CCDC62: variants seen among roughly 807,000 people sequenced by gnomAD.
CCDC62 encodes coiled-coil domain-containing protein 62.
In CCDC62, 72 loss-of-function variants were observed where a neutral mutation model predicts 80.8. The ratio of observed to expected loss-of-function variants is 0.89; its 90% CI spans 0.74 to 1.08. The LOEUF is 1.08. CCDC62 is among the 50% of genes least tolerant of loss of function. The probability of loss-of-function intolerance (pLI) is 0.00; values close to 1 mark genes in which losing one functional copy is unlikely to be tolerated. For synonymous variants in CCDC62, 286 were observed against 296.5 expected (o/e 0.96, Z 0.36); for missense variants, 704 against 809.4 (o/e 0.87, Z 1.58).
At chr12:122,823,722 G>T (rs1468311653) in intron 12 of CCDC62, among the ~76,000 whole-genome samples, 1 of 149,862 alleles carries the variant, frequency 6.7e-6, no homozygotes, top group African/African-American at 2.5e-5. Flanking sequence ...AAAAAAAAAG[G>T]CCGGGCGTGG....
intron 11 of CCDC62, among the ~76,000 whole-genome samples, chr12:122,818,873 C>T (rs186296947): frequency 1.3e-3 from 199 of 151,216 alleles, no homozygotes; most frequent in African/African-American, 4.3e-3. Context: ...CAGTGAACCA[C>T]GATCACACCA....
intron 11 of CCDC62, among the ~76,000 whole-genome samples, chr12:122,822,674 C>T (rs1238462674): frequency 7.9e-6 from 1 of 126,706 alleles, no homozygotes; most frequent in Non-Finnish European, 1.6e-5. Flanking sequence ...CCCGGGTTCA[C>T]ACCATTGAGT....
intron 2 of CCDC62, 54 bp from the exon 3 acceptor site, chr12:122,781,110 T>A: frequency 7.0e-7 from 1 of 1,436,290 alleles, no homozygotes; most frequent in Non-Finnish European, 9.5e-7. Flanking sequence ...ATTTTGAAAA[T>A]AATGCCTTTT....
chr12:122,819,004 G>T (rs1292898452), intron 11 of CCDC62, among the ~76,000 whole-genome samples: 1 of 152,144 alleles, frequency 6.6e-6, no homozygotes, highest in Non-Finnish European at 1.5e-5. Context: ...TTTACAGGAA[G>T]GGAAAAATGA....
chr12:122,812,831 A>AAAGAAAGAAAG (rs1566086864), intron 10 of CCDC62, among the ~76,000 whole-genome samples: 2 of 138,928 alleles, frequency 1.4e-5, no homozygotes. Flanking sequence ...AAGAAAGAAA[A>AAAGAAAGAAAG]GGAATGAATT....
chr12:122,778,743 G>A (rs948257150), intron 2 of CCDC62, among the ~76,000 whole-genome samples: 1 of 152,080 alleles, frequency 6.6e-6, no homozygotes, highest in African/African-American at 2.4e-5. Flanking sequence ...GCGGGGCATG[G>A]TGGTGGGCGC....
Position 122,801,732 on chromosome 12 carries a change from T to C in CCDC62, c.1586T>C (p.Met529Thr). The C allele has an allele frequency of 1.2e-6, 2 of 1,614,196 alleles. No individual in the cohort carries two copies. Among genetic ancestry groups the C allele is most frequent in the East Asian group, 4.5e-5 (2 of 44,886 alleles). ...TTCATAATTGAAGCCCCAGGCCACA[T>C]GTCTGACGTGGAGTGGATGAGTATT... ...SNFIIEAPGHMSDVEWMSIFK... is the reference protein window; with the variant it reads ...SNFIIEAPGHTSDVEWMSIFK... Residue 529 changes from methionine (M) to threonine (T), a missense_variant, in exon 9 of 13, where the codon ATG becomes ACG. Coordinates refer to ENST00000253079, the MANE Select transcript of CCDC62 (RefSeq NM_201435.5).
At chr12:122,796,924 G>C (rs1026384741) in intron 6 of CCDC62, among the ~76,000 whole-genome samples, 14 of 148,198 alleles carry the variant, frequency 9.4e-5, no homozygotes, top group African/African-American at 3.3e-4. Flanking sequence ...TTGTCATCCA[G>C]GCTGGAGTGC....
chr12:122,804,359 CG>C (rs1399364366), intron 9 of CCDC62, among the ~76,000 whole-genome samples: 1 of 152,128 alleles, frequency 6.6e-6, no homozygotes, highest in African/African-American at 2.4e-5. Context: ...TGGTGGCACA[CG>C]CCTGTAGTCC....
intron 11 of CCDC62, among the ~76,000 whole-genome samples, chr12:122,820,058 T>C (rs1200629906): frequency 1.0e-4 from 3 of 29,052 alleles, no homozygotes; most frequent in Non-Finnish European, 1.7e-4. Flanking sequence ...CAAGATCCTG[T>C]CTCAAAAAAA....
At chr12:122,777,817 A>T (rs1188248999) in intron 2 of CCDC62, 134 bp downstream of exon 2, 5 of 758,606 alleles carry the variant, frequency 6.6e-6, no homozygotes, top group Non-Finnish European at 1.1e-5. Flanking sequence ...TGGAGACAGG[A>T]GGACTTTATG....
Position 122,788,825 on chromosome 12 carries a change from A to G in CCDC62, c.566A>G (p.His189Arg). 6.2e-7 allele frequency: 1 copy of G among 1,609,840 alleles called. No individual in the cohort carries two copies. Among genetic ancestry groups the G allele is most frequent in the East Asian group, 2.2e-5 (1 of 44,800 alleles). Residue 189 changes from histidine (H) to arginine (R), a missense_variant, in exon 5 of 13, where the codon CAT becomes CGT. Transcript: ENST00000253079. Reference sequence around the variant, plus strand: ...TCGGGTAAATTTAAAATGCTAGAGCATGCCCTACGTGATGCCAAGATGGCG... The same window carrying G: ...TCGGGTAAATTTAAAATGCTAGAGCGTGCCCTACGTGATGCCAAGATGGCG... Reference protein sequence around the residue: ...DCSGKFKMLEHALRDAKMAET... With the variant: ...DCSGKFKMLERALRDAKMAET...
chr12:122,780,276 C>T (rs1879758728), intron 2 of CCDC62, among the ~76,000 whole-genome samples: 1 of 138,918 alleles, frequency 7.2e-6, no homozygotes, highest in South Asian at 2.3e-4. Flanking sequence ...GTGCCGTTGC[C>T]CTCCAGCCTG....
At chr12:122,784,391 C>T (rs548479124) in intron 3 of CCDC62, among the ~76,000 whole-genome samples, 4 of 152,152 alleles carry the variant, frequency 2.6e-5, no homozygotes, top group East Asian at 3.9e-4. Context: ...CATGGTGGCA[C>T]GTGCCTGTAA....
chr12:122,804,189 T>C (rs973333259), intron 9 of CCDC62, among the ~76,000 whole-genome samples: 2 of 152,182 alleles, frequency 1.3e-5, no homozygotes, highest in African/African-American at 2.4e-5. Context: ...CACTTCATTG[T>C]AGCTTACAGG....
chr12:122,825,342 ATTTTTTT>A (rs749990077), intron 12 of CCDC62, among the ~76,000 whole-genome samples: 2 of 89,790 alleles, frequency 2.2e-5, no homozygotes, highest in Non-Finnish European at 4.2e-5. Context: ...CACCTGGCTA[ATTTTTTT>A]TTTTTTTTTT....
intron 2 of CCDC62, among the ~76,000 whole-genome samples, chr12:122,779,986 G>T (rs1419812312): frequency 2.0e-5 from 3 of 149,014 alleles, no homozygotes; most frequent in Non-Finnish European, 4.5e-5. Context: ...CTGCAAAGTG[G>T]AAATAACCTA....
At chr12:122,789,420 G>A (rs961577279) in intron 5 of CCDC62, among the ~76,000 whole-genome samples, 1 of 152,110 alleles carries the variant, frequency 6.6e-6, no homozygotes, top group African/African-American at 2.4e-5. Flanking sequence ...TCTGAAATTA[G>A]GAATTTTTAT....
At chr12:122,815,253 AT>A (rs1325144852) in intron 11 of CCDC62, among the ~76,000 whole-genome samples, 1 of 150,986 alleles carries the variant, frequency 6.6e-6, no homozygotes, top group Non-Finnish European at 1.5e-5. Flanking sequence ...TGATGTTTTT[AT>A]TTTTTGTAGA....
Sources: allele counts gnomAD v4.1 joint callset (sites outside exome capture counted in the v4.1 genomes callset), GRCh38; gene constraint gnomAD v4.1.1; transcripts MANE v1.5; gene names NCBI Gene and HGNC (gene_info 2026-07-23, HGNC 2026-07-21).